Variants in L3MBTL4 observed in about 807,000 individuals in gnomAD.
L3MBTL4 encodes the protein lethal(3)malignant brain tumor-like protein 4.
Under a neutral mutation model 84.5 loss-of-function variants are expected in L3MBTL4, and 70 were observed. That is an observed-to-expected ratio of 0.83 (90% CI 0.68 to 1.01). The LOEUF is 1.01. L3MBTL4 is among the 50% of genes least tolerant of loss of function. The pLI is 0.00. For synonymous variants in L3MBTL4, 274 were observed against 259.8 expected, an observed-to-expected ratio of 1.05 and a Z score of -0.52; for missense variants, 715 against 754.8, an observed-to-expected ratio of 0.95 and a Z score of 0.62.
intron 1 of L3MBTL4, among the ~76,000 whole-genome samples, chr18:6,378,090 A>C (rs1290502636): frequency 1.3e-5 from 2 of 151,990 alleles, no homozygotes; most frequent in African/African-American, 4.8e-5. Context: ...AGCATTTTTC[A>C]TGTTTGTTGC....
chr18:6,008,212 A>C (rs1362806132), intron 16 of L3MBTL4, among the ~76,000 whole-genome samples: 2 of 152,110 alleles, frequency 1.3e-5, no homozygotes, highest in East Asian at 3.9e-4. Flanking sequence ...CCTCCCCAGC[A>C]CACTGAGCCC....
chr18:6,300,877 G>C (rs2050310340), intron 4 of L3MBTL4, among the ~76,000 whole-genome samples: 1 of 152,138 alleles, frequency 6.6e-6, no homozygotes, highest in South Asian at 2.1e-4. Flanking sequence ...GGTATATTTT[G>C]ATAGAGCTGA....
At chr18:6,120,563 C>T (rs2059492762) in intron 14 of L3MBTL4, among the ~76,000 whole-genome samples, 1 of 152,190 alleles carries the variant, frequency 6.6e-6, no homozygotes, top group African/African-American at 2.4e-5. Context: ...ACTGACCATG[C>T]TCCTAGAACA....
intron 12 of L3MBTL4, among the ~76,000 whole-genome samples, chr18:6,205,514 C>A (rs1732509733): frequency 6.6e-6 from 1 of 152,256 alleles, no homozygotes; most frequent in African/African-American, 2.4e-5. Context: ...CACCTATCAA[C>A]CTGTCACCAC....
intron 17 of L3MBTL4, among the ~76,000 whole-genome samples, chr18:5,967,077 C>T (rs181477992): frequency 3.0e-4 from 45 of 152,294 alleles, no homozygotes; most frequent in African/African-American, 8.2e-4. Flanking sequence ...CTTCCTGAAA[C>T]GCCATCTTCA....
intron 1 of L3MBTL4, chr18:6,396,158 C>T (rs2055259996): frequency 6.6e-6 from 1 of 152,180 alleles, no homozygotes; most frequent in Admixed American, 6.5e-5. Flanking sequence ...AGAAACATCT[C>T]CCAAATAAAG....
chr18:6,294,437 G>A (rs1294968348), intron 4 of L3MBTL4, among the ~76,000 whole-genome samples: 1 of 152,156 alleles, frequency 6.6e-6, no homozygotes, highest in African/African-American at 2.4e-5. Flanking sequence ...AGGTAATTAT[G>A]CTGAGCAAAA....
intron 16 of L3MBTL4, chr18:6,032,173 T>A: frequency 3.1e-6 from 1 of 325,108 alleles, no homozygotes; most frequent in South Asian, 4.9e-5. Context: ...GAGACGGGGT[T>A]TCACTGCGTT....
chr18:6,155,125 G>A (rs2043050059), intron 13 of L3MBTL4, among the ~76,000 whole-genome samples: 1 of 152,138 alleles, frequency 6.6e-6, no homozygotes. Flanking sequence ...ATTAGTCAAG[G>A]AGAATAATGC....
At chr18:5,990,415 T>G (rs893556609) in intron 16 of L3MBTL4, among the ~76,000 whole-genome samples, 6 of 152,216 alleles carry the variant, frequency 3.9e-5, no homozygotes, top group African/African-American at 1.4e-4. Flanking sequence ...ATGTTATTAA[T>G]TCACATGGGG....
In L3MBTL4 at chr18:6,298,643, C is replaced by A. The variant is rs983785933; in HGVS notation, c.127+3260G>T. Among the ~76,000 whole-genome samples the A allele has an allele frequency of 2.0e-5, 3 of 152,208 alleles. No homozygotes were observed. In the South Asian group the frequency reaches 6.2e-4, roughly 32 times the overall value. On this transcript the variant is annotated intron_variant, in intron 4 of 18. Coordinates refer to ENST00000317931, the MANE Select transcript of L3MBTL4 (RefSeq NM_001330559.2). The stretch of plus-strand genomic sequence containing the variant: ...ATCCCAGCACTTTGGGAGGCCAAGG[C>A]GGGTGGATCACCTGAGGTCAGGAGT...
chr18:6,394,229 A>G (rs2055179098), intron 1 of L3MBTL4, among the ~76,000 whole-genome samples: 1 of 152,190 alleles, frequency 6.6e-6, no homozygotes, highest in Non-Finnish European at 1.5e-5. Flanking sequence ...GCACTTTGGG[A>G]GACCGAGTTG....
At chr18:6,313,347 A>G (rs908735439) in intron 1 of L3MBTL4, among the ~76,000 whole-genome samples, 1 of 152,258 alleles carries the variant, frequency 6.6e-6, no homozygotes, top group Non-Finnish European at 1.5e-5. Flanking sequence ...CTGTATGACT[A>G]GAGTGAGCAC....
At chr18:6,295,346 CTATATA>C (rs71163269) in intron 4 of L3MBTL4, among the ~76,000 whole-genome samples, 72 of 81,378 alleles carry the variant, frequency 8.8e-4, no homozygotes, top group African/African-American at 1.7e-3. Context: ...CTCTCTCTCT[CTATATA>C]TATATATATA....
chr18:5,969,515 T>G lies in L3MBTL4; in HGVS notation c.1492A>C (p.Met498Leu), dbSNP rs2052528488. The change falls in exon 17 of 19, where the codon ATG becomes CTG. Residue 498 changes from methionine (M) to leucine (L), a missense_variant. Met to Leu is a conservative substitution (Grantham distance 15). Transcript: ENST00000317931. ...AQQVLHQSVSMSTVSAHPFRD... is the reference protein window; with the variant it reads ...AQQVLHQSVSLSTVSAHPFRD... ...AAAGGGTGGGCTGACACCGTGGACA[T>G]GGACACTGACTGGTGAAGCACCTGC... 6.2e-7 allele frequency: 1 copy of G among 1,613,656 alleles called. No individual in the cohort carries two copies. The highest frequency in any genetic ancestry group is 8.5e-7 in the Non-Finnish European group (1 of 1,179,830).
chr18:6,407,952 G>A (rs1209120875), intron 1 of L3MBTL4, among the ~76,000 whole-genome samples: 1 of 152,098 alleles, frequency 6.6e-6, no homozygotes, highest in Non-Finnish European at 1.5e-5. Context: ...CTCCTTAGAG[G>A]AGCAAAATTC....
chr18:6,349,651 T>C (rs2053085156), intron 1 of L3MBTL4, among the ~76,000 whole-genome samples: 1 of 152,064 alleles, frequency 6.6e-6, no homozygotes, highest in African/African-American at 2.4e-5. Context: ...GCTCAGGGGA[T>C]TGAGGCTGCA....
intron 14 of L3MBTL4, 54 bp from the exon 15 acceptor site, chr18:6,093,582 G>C: frequency 6.9e-7 from 1 of 1,454,190 alleles, no homozygotes; most frequent in Non-Finnish European, 9.2e-7. Flanking sequence ...ATAAATCAGG[G>C]ATCCATTGTC....
At chr18:6,148,770 G>C (rs2042760913) in intron 13 of L3MBTL4, among the ~76,000 whole-genome samples, 1 of 152,006 alleles carries the variant, frequency 6.6e-6, no homozygotes, top group Non-Finnish European at 1.5e-5. Context: ...AATGTTAAGA[G>C]TTATTGGCAT....
Sources: allele counts gnomAD v4.1 joint callset (sites outside exome capture counted in the v4.1 genomes callset), GRCh38; gene constraint gnomAD v4.1.1; transcripts MANE v1.5; gene names NCBI Gene and HGNC (gene_info 2026-07-23, HGNC 2026-07-21).